Variants in EML3 observed in about 807,000 individuals in gnomAD.
EML3 encodes the protein echinoderm microtubule-associated protein-like 3.
Under a neutral mutation model 106.7 loss-of-function variants are expected in EML3, and 53 were observed. The observed-to-expected ratio is 0.50, with a 90% CI of 0.40 to 0.62. EML3 has a LOEUF of 0.62. Among genes scored for constraint, EML3 ranks in the 20% least tolerant of loss-of-function variants. The pLI is 0.00. For missense variants in EML3, 994 were observed against 1,209.1 expected, an observed-to-expected ratio of 0.82 and a Z score of 2.64; for synonymous variants, 499 against 489.6, an observed-to-expected ratio of 1.02 and a Z score of -0.25.
chr11:62,604,094 G>A lies in EML3; in HGVS notation c.2071+19C>T, dbSNP rs747843529. ...AGGGCCAGGGACGCATGTGAGTCCA[G>A]GGTTGGGGTGGCTCCCACCTGGGCT... On this transcript the variant is annotated intron_variant, in intron 17 of 21. Transcript: ENST00000394773. 7 of 1,614,102 alleles carry A rather than the reference G, an allele frequency of 4.3e-6. No homozygotes were observed. In the Middle Eastern group the frequency reaches 4.9e-4, roughly 114 times the overall value.
rs751403817 is a variant in EML3 at position 62,605,657 on chromosome 11, C to T, written c.1899G>A (p.Trp633Ter). Reference sequence around the variant, plus strand: ...AGGGCTCTACCTTGAGGTCGATGCTCCAGGCCAGTGCATGGCTCTCCCCAT... The same window carrying T: ...AGGGCTCTACCTTGAGGTCGATGCTTCAGGCCAGTGCATGGCTCTCCCCAT... ...LWDGESHALA[W>*]SIDLKETGLC... is the part of the protein sequence containing the mutation. Residue 633 changes from tryptophan (W) to a stop codon, truncating the protein, a stop_gained, in exon 15 of 22, where the codon TGG (tryptophan) becomes TGA (stop). Coordinates refer to ENST00000394773, the MANE Select transcript of EML3 (RefSeq NM_153265.3). LOFTEE classifies it high-confidence loss of function. The surrounding 1 kb of genome is among the most constrained non-coding windows in gnomAD (Gnocchi z 5.2). 16 of 1,561,760 alleles carry T rather than the reference C, an allele frequency of 1.0e-5. No homozygotes were observed. The highest frequency in any genetic ancestry group is 8.7e-7 in the Non-Finnish European group (1 of 1,154,862).
At chr11:62,612,053 A>AGTATG (rs1942858829) in intron 1 of EML3, 1 of 385,848 alleles carries the variant, frequency 2.6e-6, no homozygotes, top group African/African-American at 2.1e-5. Flanking sequence ...CTGAGGACCC[A>AGTATG]GAGTACAAGA....
chr11:62,608,078 G>A, intron 10 of EML3, 123 bp downstream of exon 10: 1 of 979,296 alleles, frequency 1.0e-6, no homozygotes, highest in East Asian at 2.4e-5. Context: ...GAGAAGCTAG[G>A]AGATTTGCCC....
chr11:62,603,891 C>G, intron 18 of EML3, 53 bp downstream of exon 18: 1 of 1,611,960 alleles, frequency 6.2e-7, no homozygotes, highest in East Asian at 2.2e-5. Flanking sequence ...TGCATCAGAC[C>G]CCTGAGTTTC....
chr11:62,605,837 G>A lies in EML3; in HGVS notation c.1782+18C>T. 1 of 1,613,496 alleles carries A rather than the reference G, an allele frequency of 6.2e-7. No homozygotes were observed. Among genetic ancestry groups the A allele is most frequent in the Non-Finnish European group, 8.5e-7 (1 of 1,179,668 alleles). Reference sequence around the variant, plus strand: ...ACACCCCTTTGTCCCTTCCTCCCCTGAGCCCTTAACCCCCAACCTGGATTA... The same window carrying A: ...ACACCCCTTTGTCCCTTCCTCCCCTAAGCCCTTAACCCCCAACCTGGATTA... On this transcript the variant is annotated intron_variant, in intron 14 of 21. Coordinates refer to ENST00000394773, the MANE Select transcript of EML3 (RefSeq NM_153265.3). The surrounding 1 kb of genome is among the most constrained non-coding windows in gnomAD (Gnocchi z 5.2).
Position 62,608,945 on chromosome 11 carries a change from A to G in EML3, c.929+17T>C. 1 of 1,610,840 alleles carries G rather than the reference A, an allele frequency of 6.2e-7. No individual in the cohort carries two copies. The highest frequency in any genetic ancestry group is 8.5e-7 in the Non-Finnish European group (1 of 1,177,732). On this transcript the variant is annotated intron_variant, in intron 7 of 21. Coordinates refer to ENST00000394773, the MANE Select transcript of EML3 (RefSeq NM_153265.3). Reference sequence around the variant, plus strand: ...AGACCCTCTTCCTGCCAAGCCCACCAGCCCCGGACTCCTCACCATCGAACG... The same window carrying G: ...AGACCCTCTTCCTGCCAAGCCCACCGGCCCCGGACTCCTCACCATCGAACG...
At chr11:62,607,131 C>A in intron 11 of EML3, 32 bp from the exon 12 acceptor site, 1 of 1,609,860 alleles carries the variant, frequency 6.2e-7, no homozygotes, top group South Asian at 1.1e-5. Flanking sequence ...CAGTAGAGGT[C>A]AAAGGGAAGG....
chr11:62,602,942 CCA>C (rs1321860452), intron 20 of EML3, 53 bp from the exon 21 acceptor site: 19 of 1,490,912 alleles, frequency 1.3e-5, no homozygotes, highest in African/African-American at 4.2e-5. Context: ...CACCCACGGC[CCA>C]GAGCTACACC....
At chr11:62,611,949 C>G (rs535048548) in intron 1 of EML3, 1 of 366,124 alleles carries the variant, frequency 2.7e-6, no homozygotes, top group Non-Finnish European at 5.0e-6. Flanking sequence ...GCCCTCCCCA[C>G]GCGCCCCCAG....
At chr11:62,604,383 T>C (rs1205838631) in intron 16 of EML3, among the ~76,000 whole-genome samples, 182 bp from the exon 17 acceptor site, 4 of 151,952 alleles carry the variant, frequency 2.6e-5, no homozygotes, top group Non-Finnish European at 5.9e-5. Flanking sequence ...AGTTTGTTGT[T>C]GTTGTTGTTG....
chr11:62,603,226 T>C lies in EML3; in HGVS notation c.2279A>G (p.Lys760Arg), dbSNP rs764935495. The C allele has an allele frequency of 1.2e-6, 2 of 1,613,860 alleles. No homozygotes were observed. Among genetic ancestry groups the C allele is most frequent in the East Asian group, 2.2e-5 (1 of 44,878 alleles). The stretch of plus-strand genomic sequence containing the variant: ...GCTCTCATAGCGATTCTTCAGCTGC[T>C]TGCAGCCTCCAGCCACGTCCCCTGG... ...ILYWDVAGGC[K>R]QLKNRYESRD... Residue 760 changes from lysine (K) to arginine (R), a missense_variant, in exon 20 of 22, where the codon AAG (lysine) becomes AGG (arginine). Lys to Arg is a conservative substitution (Grantham distance 26). This residue lies in a region of EML3 where 713 missense variants were observed against 920.5 expected (regional missense o/e 0.77). Transcript: ENST00000394773.
Position 62,605,580 on chromosome 11 carries a change from C to T in EML3, c.1914+62G>A, listed in dbSNP as rs1337958754. On this transcript the variant is annotated intron_variant, in intron 15 of 21. Coordinates refer to ENST00000394773, the MANE Select transcript of EML3 (RefSeq NM_153265.3). This position sits in a 1 kb window ranked among gnomAD's most constrained non-coding sequence, Gnocchi z 5.2. The stretch of plus-strand genomic sequence containing the variant: ...GCAGAAGGCAAGGTGCTGGGGAAGG[C>T]GTGGTGGCCACAGGTGTCCTGGTGG... 17 of 1,499,732 alleles carry T rather than the reference C, an allele frequency of 1.1e-5. No homozygotes were observed. The highest frequency in any genetic ancestry group is 2.8e-5 in the African/African-American group (2 of 71,398). The allele number at this position is 1,499,732 out of a possible 1,614,324, so 92.9% of individuals were successfully genotyped here. A position where few individuals can be genotyped will look rare whatever the true frequency, so the allele number is the denominator to read the frequency against.
intron 1 of EML3, chr11:62,612,188 G>A (rs1590765521): frequency 1.9e-6 from 1 of 515,564 alleles, no homozygotes; most frequent in Non-Finnish European, 3.4e-6. Flanking sequence ...CCGGAGTAAC[G>A]CAGGGGGCAG....
In EML3 at chr11:62,611,072, C is replaced by A; in HGVS notation, c.452+15G>T. 1.9e-6 allele frequency: 3 copies of A among 1,600,734 alleles called. No homozygotes were observed. Among genetic ancestry groups the A allele is most frequent in the Non-Finnish European group, 2.5e-6 (3 of 1,177,650 alleles). On this transcript the variant is annotated intron_variant, in intron 3 of 21. Transcript: ENST00000394773. ...ACCCCTCCCAGCTTCCGCCACAGGG[C>A]CACAGGACACCTACGTGTCAGCACG...
intron 10 of EML3, 98 bp from the exon 11 acceptor site, chr11:62,607,919 G>T: frequency 7.0e-7 from 1 of 1,426,038 alleles, no homozygotes; most frequent in Non-Finnish European, 9.6e-7. Context: ...GCTGGCAGAG[G>T]TCCAGAAACC....
rs1269579281 is a variant in EML3, at chr11:62,612,503, A to G, written c.-46T>C. The stretch of plus-strand genomic sequence containing the variant: ...AGCGGCGGCGGCGGAGGAGGCGTCT[A>G]AGCCGCGGGGGCCACGGCCGGGGAG... On this transcript the variant is annotated 5_prime_UTR_variant, in exon 1 of 22. Coordinates refer to ENST00000394773, the MANE Select transcript of EML3 (RefSeq NM_153265.3). The G allele has an allele frequency of 7.3e-7, 1 of 1,371,598 alleles. No homozygotes were observed. The highest frequency in any genetic ancestry group is 3.8e-5 in the Admixed American group (1 of 26,274). The allele number at this position is 1,371,598 out of a possible 1,614,324, so 85.0% of individuals were successfully genotyped here. A position where few individuals can be genotyped will look rare whatever the true frequency, so the allele number is the denominator to read the frequency against.
Position 62,608,986 on chromosome 11 carries a change from C to T in EML3, c.905G>A (p.Arg302Gln), listed in dbSNP as rs1029853981. ...CCATCGAACGCAGTCTGTGTGCCCC[C>T]GGTAATGTCTCTGGCCGCCACCTCC... Reference protein sequence around the residue: ...GPGGGGQRHYRGHTDCVRCLA... With the variant: ...GPGGGGQRHYQGHTDCVRCLA... The change falls in exon 7 of 22, where the codon CGG (arginine) becomes CAG (glutamine). Residue 302 changes from arginine (R) to glutamine (Q), a missense_variant. This residue lies in a region of EML3 where 713 missense variants were observed against 920.5 expected (regional missense o/e 0.77). Coordinates refer to ENST00000394773, the MANE Select transcript of EML3 (RefSeq NM_153265.3). 6.8e-6 allele frequency: 11 copies of T among 1,613,810 alleles called. No homozygotes were observed. The highest frequency in any genetic ancestry group is 2.2e-5 in the South Asian group (2 of 91,084).
At chr11:62,603,051 T>A in intron 20 of EML3, 98 bp downstream of exon 20, 1 of 1,553,526 alleles carries the variant, frequency 6.4e-7, no homozygotes, top group South Asian at 1.1e-5. Context: ...TTCAGGTTTC[T>A]GGACTCTCAC....
In EML3 at chr11:62,607,020, T is replaced by G. The variant is rs772321387; in HGVS notation, c.1442A>C (p.Asn481Thr). ...GDILTGDSEG[N>T]ILTWGRSPSD... ...AGGGCTCCGCCCCCAGGTGAGAATG[T>G]TCCCCTCTGAGTCTCCAGTGAGAAT... The change falls in exon 12 of 22, where the codon AAC becomes ACC. Residue 481 changes from asparagine to threonine, a missense_variant. By Grantham distance (65) the Asn-to-Thr change is moderately conservative (BLOSUM62 0). Around this residue, in one of 3 missense-constraint regions of EML3, gnomAD observed 713 missense variants for 920.5 expected, o/e 0.77. Transcript: ENST00000394773. 6.2e-7 allele frequency: 1 copy of G among 1,614,194 alleles called. No homozygotes were observed. Among genetic ancestry groups the G allele is most frequent in the Non-Finnish European group, 8.5e-7 (1 of 1,180,014 alleles).
Sources: gnomAD v4.1 joint callset for allele counts (sites outside exome capture counted in the v4.1 genomes callset) on GRCh38, gnomAD v4.1.1 for gene constraint, gnomAD v4.1.1 regional missense constraint, Gnocchi (gnomAD v3.1) non-coding constraint, MANE v1.5 for transcripts, NCBI Gene and HGNC (gene_info 2026-07-23, HGNC 2026-07-21) for gene names.